The following USP32 variants were observed in gnomAD, a reference collection of about 807,000 sequenced individuals.
The protein encoded by USP32 is ubiquitin specific peptidase 32, also known as ubiquitin carboxyl-terminal hydrolase 32.
Under a neutral mutation model 204.8 loss-of-function variants are expected in USP32, and 59 were observed. That is an observed-to-expected ratio of 0.29 (90% CI 0.23 to 0.36). USP32 has a LOEUF of 0.36. Among genes scored for constraint, USP32 ranks in the 10% least tolerant of loss-of-function variants. The pLI, the probability that USP32 is intolerant of heterozygous loss-of-function variation, is 1.00. For synonymous variants in USP32, 517 were observed against 678.4 expected, an observed-to-expected ratio of 0.76 and a Z score of 3.70; for missense variants, 1,160 against 1,946.4, an observed-to-expected ratio of 0.60 and a Z score of 7.60.
chr17:60,299,952 C>A (rs2087531973), intron 3 of USP32, among the ~76,000 whole-genome samples: 1 of 152,136 alleles, frequency 6.6e-6, no homozygotes, highest in South Asian at 2.1e-4. Context: ...GGCACTTAAT[C>A]TCACTCATAA....
intron 5 of USP32, among the ~76,000 whole-genome samples, chr17:60,277,411 G>T (rs1407786311): frequency 6.6e-6 from 1 of 152,182 alleles, no homozygotes; most frequent in Non-Finnish European, 1.5e-5. Context: ...GACCTTCTGA[G>T]ATCTACTTAA....
intron 5 of USP32, among the ~76,000 whole-genome samples, chr17:60,283,285 C>A (rs992030689): frequency 6.6e-6 from 1 of 151,884 alleles, no homozygotes; most frequent in East Asian, 1.9e-4. Context: ...AAAGAACACA[C>A]GTGAGGAGAA....
At chr17:60,228,138 C>A (rs1310609856) in intron 12 of USP32, among the ~76,000 whole-genome samples, 1 of 152,048 alleles carries the variant, frequency 6.6e-6, no homozygotes, top group Non-Finnish European at 1.5e-5. Flanking sequence ...GATTCTCCTG[C>A]CTCAGCCTCC....
At chr17:60,236,314 G>A in intron 11 of USP32, 74 bp from the exon 12 acceptor site, 1 of 1,314,210 alleles carries the variant, frequency 7.6e-7, no homozygotes, top group Non-Finnish European at 1.1e-6. Context: ...ATTATCATTA[G>A]AAGTTTTATA....
chr17:60,188,127 C>T (rs1387148411), intron 29 of USP32, among the ~76,000 whole-genome samples: 3 of 152,096 alleles, frequency 2.0e-5, no homozygotes, highest in African/African-American at 7.2e-5. Context: ...ACTACAGGTG[C>T]ACACCACCAC....
At chr17:60,209,571 T>G (rs1183016166) in intron 21 of USP32, 28 bp from the exon 22 acceptor site, 1 of 1,509,386 alleles carries the variant, frequency 6.6e-7, no homozygotes, top group Non-Finnish European at 8.8e-7. Context: ...GTCACAGTCA[T>G]TATTTCCTAC....
intron 1 of USP32, among the ~76,000 whole-genome samples, chr17:60,355,913 C>T (rs1291177630): frequency 1.0e-5 from 1 of 96,388 alleles, no homozygotes; most frequent in Non-Finnish European, 2.0e-5. Flanking sequence ...AAAAAAAAAG[C>T]AGTATTTGTG....
intron 1 of USP32, among the ~76,000 whole-genome samples, chr17:60,371,893 A>G (rs1008370990): frequency 1.3e-5 from 2 of 152,204 alleles, no homozygotes; most frequent in Non-Finnish European, 2.9e-5. Flanking sequence ...CACAAATAAA[A>G]TCAGTCATCA....
intron 12 of USP32, among the ~76,000 whole-genome samples, chr17:60,234,486 G>A (rs1490253918): frequency 1.3e-5 from 2 of 151,426 alleles, no homozygotes; most frequent in Non-Finnish European, 2.9e-5. Context: ...CCAGCACTTC[G>A]GGAGGCCGAG....
chr17:60,276,003 GTAAC>G (rs1337402398), intron 5 of USP32, among the ~76,000 whole-genome samples: 2 of 151,914 alleles, frequency 1.3e-5, no homozygotes, highest in African/African-American at 4.8e-5. Context: ...TTTAAACTAA[GTAAC>G]TAATTCACTA....
At chr17:60,251,356 A>G (rs1361600325) in intron 11 of USP32, among the ~76,000 whole-genome samples, 2 of 152,208 alleles carry the variant, frequency 1.3e-5, no homozygotes, top group Non-Finnish European at 2.9e-5. Context: ...TACTTTAAAT[A>G]TCTATATCTT....
At chr17:60,221,686 A>G (rs953026269) in intron 15 of USP32, among the ~76,000 whole-genome samples, 2 of 151,878 alleles carry the variant, frequency 1.3e-5, no homozygotes, top group Admixed American at 1.3e-4. Context: ...TTGTATTTTT[A>G]TTAGACACGG....
intron 18 of USP32, among the ~76,000 whole-genome samples, chr17:60,212,322 G>A (rs1004339635): frequency 6.6e-6 from 1 of 152,278 alleles, no homozygotes; most frequent in East Asian, 1.9e-4. Context: ...ACAAACCTAG[G>A]CTATGTATGG....
intron 16 of USP32, among the ~76,000 whole-genome samples, chr17:60,217,053 G>A (rs1188306617): frequency 6.6e-6 from 1 of 152,142 alleles, no homozygotes; most frequent in Admixed American, 6.6e-5. Context: ...AAGCATATAA[G>A]TATAGTATTC....
At chr17:60,398,435 T>C (rs1387017268) in intron 1 of USP32, among the ~76,000 whole-genome samples, 1 of 151,916 alleles carries the variant, frequency 6.6e-6, no homozygotes, top group East Asian at 1.9e-4. Flanking sequence ...TTGGCAACCC[T>C]GTTTAGTCAC....
intron 11 of USP32, among the ~76,000 whole-genome samples, chr17:60,237,455 T>A (rs1041616787): frequency 1.3e-5 from 2 of 152,112 alleles, no homozygotes; most frequent in African/African-American, 4.8e-5. Context: ...TGGCATAATA[T>A]GAAATTATTT....
intron 1 of USP32, among the ~76,000 whole-genome samples, chr17:60,408,789 TA>T (rs1302734144): frequency 6.6e-6 from 1 of 152,106 alleles, no homozygotes; most frequent in African/African-American, 2.4e-5. Context: ...CATGCAACGA[TA>T]GGGGGAATCT....
At chr17:60,390,044 G>A (rs1455241495) in intron 1 of USP32, among the ~76,000 whole-genome samples, 1 of 152,036 alleles carries the variant, frequency 6.6e-6, no homozygotes, top group Admixed American at 6.6e-5. Flanking sequence ...CATTCCAATA[G>A]TTACAAATAA....
chr17:60,255,301 T>C (rs1567806170), intron 9 of USP32, 43 bp from the exon 10 acceptor site: 6 of 1,164,176 alleles, frequency 5.2e-6, no homozygotes, highest in Middle Eastern at 2.1e-4. Context: ...TTTTTTTCTT[T>C]TTTTTTTTTT....
Sources: gnomAD v4.1 joint callset for allele counts (sites outside exome capture counted in the v4.1 genomes callset) on GRCh38, gnomAD v4.1.1 for gene constraint, MANE v1.5 for transcripts, NCBI Gene and HGNC (gene_info 2026-07-23, HGNC 2026-07-21) for gene names.